PLD1: variants seen among roughly 807,000 people sequenced by gnomAD.
PLD1 encodes phospholipase D1, also known as choline phosphatase 1.
A neutral mutation model predicts 137.1 loss-of-function variants in PLD1; 112 were observed. The observed-to-expected ratio is 0.82, with a 90% CI of 0.70 to 0.96. The LOEUF (loss-of-function observed/expected upper bound fraction) is 0.96. Among genes scored for constraint, PLD1 ranks in the 40% least tolerant of loss-of-function variants. The pLI is 0.00. For missense variants in PLD1, 1,321 were observed against 1,342.0 expected, an observed-to-expected ratio of 0.98 and a Z score of 0.24; for synonymous variants, 431 against 454.7, an observed-to-expected ratio of 0.95 and a Z score of 0.66.
At chr3:171,670,307 CAG>C (rs1260849775) in intron 19 of PLD1, among the ~76,000 whole-genome samples, 1 of 152,194 alleles carries the variant, frequency 6.6e-6, no homozygotes, top group Non-Finnish European at 1.5e-5. Context: ...ATAGAAATAA[CAG>C]AAGACTTGAG....
intron 11 of PLD1, among the ~76,000 whole-genome samples, chr3:171,700,565 G>C (rs566821235): frequency 1.9e-4 from 29 of 152,216 alleles, no homozygotes; most frequent in Non-Finnish European, 3.5e-4. Context: ...CCCAACTTTA[G>C]ACTTAACATT....
chr3:171,751,958 G>C (rs547761815), intron 1 of PLD1, among the ~76,000 whole-genome samples: 1 of 151,092 alleles, frequency 6.6e-6, no homozygotes, highest in East Asian at 2.0e-4. Flanking sequence ...AGCCGAGATC[G>C]CGCCACTGTA....
At chr3:171,738,275 A>G (rs747827766) in intron 1 of PLD1, among the ~76,000 whole-genome samples, 193 bp from the exon 2 acceptor site, 3 of 152,104 alleles carry the variant, frequency 2.0e-5, no homozygotes, top group Admixed American at 6.6e-5. Context: ...CTTGTAAATT[A>G]AAACAGAGTG....
chr3:171,671,922 G>T (rs1191198833), intron 19 of PLD1, among the ~76,000 whole-genome samples: 1 of 151,620 alleles, frequency 6.6e-6, no homozygotes, highest in African/African-American at 2.4e-5. Context: ...AACATCCAAA[G>T]TTCACTAGCA....
chr3:171,646,921 C>T (rs1026785472), intron 21 of PLD1, among the ~76,000 whole-genome samples: 3 of 152,164 alleles, frequency 2.0e-5, no homozygotes, highest in Non-Finnish European at 2.9e-5. Flanking sequence ...GCTCATCAGC[C>T]TTCTGGGCCT....
intron 19 of PLD1, among the ~76,000 whole-genome samples, chr3:171,672,038 G>C (rs770644720): frequency 8.0e-6 from 1 of 125,124 alleles, no homozygotes; most frequent in African/African-American, 3.0e-5. Flanking sequence ...GCCTCTCTAA[G>C]AGCGAATGGG....
chr3:171,692,532 C>CTT, intron 12 of PLD1, 90 bp from the exon 13 acceptor site: 10 of 634,392 alleles, frequency 1.6e-5, no homozygotes, highest in Non-Finnish European at 2.2e-5. Context: ...TACTTTCTTT[C>CTT]TTTTTTTTTT....
intron 1 of PLD1, among the ~76,000 whole-genome samples, chr3:171,758,339 T>C (rs1428596502): frequency 6.6e-6 from 1 of 152,226 alleles, no homozygotes; most frequent in Non-Finnish European, 1.5e-5. Context: ...CACTGCCCCC[T>C]ATCTGAACTT....
intron 1 of PLD1, among the ~76,000 whole-genome samples, chr3:171,802,446 T>C (rs889842577): frequency 2.0e-5 from 3 of 152,104 alleles, no homozygotes; most frequent in Admixed American, 1.3e-4. Context: ...CATTTTGTCA[T>C]TGATCCAAAT....
chr3:171,639,848 C>CTCTATATATATATA lies in PLD1; in HGVS notation c.2593+2991_2593+2992insTATATATATATAGA, dbSNP rs3050415. 1.9e-3 allele frequency among the ~76,000 whole-genome samples: 213 copies of CTCTATATATATATA among 110,160 alleles called. 1 individual carries two copies. Among genetic ancestry groups the CTCTATATATATATA allele is most frequent in the African/African-American group, 8.2e-3 (208 of 25,456 alleles). The allele number at this position is 110,160 out of a possible 152,430, so 72.3% of individuals were successfully genotyped here. A position where few individuals can be genotyped will look rare whatever the true frequency, so the allele number is the denominator to read the frequency against. On this transcript the variant is annotated intron_variant, in intron 23 of 26. Transcript: ENST00000351298. The stretch of plus-strand genomic sequence containing the variant: ...TCTCTCTCTCTCTCTCTCTCTCTCT[C>CTCTATATATATATA]TATATATATATATATATCTCCTATT...
chr3:171,669,086 G>C (rs1712462806), intron 19 of PLD1, among the ~76,000 whole-genome samples: 1 of 152,142 alleles, frequency 6.6e-6, no homozygotes, highest in Admixed American at 6.5e-5. Context: ...GTCAGGTCTA[G>C]ATAACTTTTT....
intron 16 of PLD1, among the ~76,000 whole-genome samples, chr3:171,682,046 T>C (rs189749752): frequency 6.6e-6 from 1 of 151,480 alleles, no homozygotes; most frequent in East Asian, 1.9e-4. Context: ...CTTGTATACC[T>C]ATGTAACAAA....
In PLD1 at chr3:171,741,396, C is replaced by T. The variant is rs531586517; in HGVS notation, c.-31-3314G>A. Among the ~76,000 whole-genome samples the T allele has an allele frequency of 2.8e-4, 43 of 152,308 alleles. No homozygotes were observed. The South Asian group carries it at 7.9e-3, about 28-fold the overall frequency. ...GAATATCAAGCTGCAAAACTATCTA[C>T]GCTCCTATGTTGTCAAATCTTCATT... is the stretch of plus-strand genomic sequence containing the variant. On this transcript the variant is annotated intron_variant, in intron 1 of 26. Coordinates refer to ENST00000351298, the MANE Select transcript of PLD1 (RefSeq NM_002662.5).
intron 23 of PLD1, among the ~76,000 whole-genome samples, chr3:171,621,707 G>A (rs1733646940): frequency 6.6e-6 from 1 of 152,112 alleles, no homozygotes; most frequent in Non-Finnish European, 1.5e-5. Flanking sequence ...ATGTGTAAGA[G>A]ATGCATTTCT....
chr3:171,622,275 T>G (rs1733706699), intron 23 of PLD1, among the ~76,000 whole-genome samples: 1 of 152,206 alleles, frequency 6.6e-6, no homozygotes, highest in Non-Finnish European at 1.5e-5. Flanking sequence ...CTATGGAATT[T>G]GTTAAAAGCA....
At chr3:171,796,728 C>T (rs76543995) in intron 1 of PLD1, among the ~76,000 whole-genome samples, 3,342 of 152,272 alleles carry the variant, frequency 0.022, 126 homozygotes, top group African/African-American at 0.076. Context: ...ACAATTCAGA[C>T]TTTGAATCCT....
At chr3:171,792,371 A>T (rs954436405) in intron 1 of PLD1, 6 of 351,794 alleles carry the variant, frequency 1.7e-5, no homozygotes, top group African/African-American at 1.3e-4. Flanking sequence ...ACCTTATTTC[A>T]TATACTAAGA....
rs576307738 is a variant in PLD1, at chr3:171,673,533, A to G, written c.2229+967T>C. Among the ~76,000 whole-genome samples, 4 of 152,288 alleles carry G rather than the reference A, an allele frequency of 2.6e-5. No homozygotes were observed. In the East Asian group the frequency reaches 7.7e-4, roughly 29 times the overall value. On this transcript the variant is annotated intron_variant, in intron 19 of 26. Transcript: ENST00000351298. ...TGATCCACCCGCCTCGGCCTCCCAA[A>G]GTGCTAGGACTACAGGTGGGAGCCA... is the stretch of plus-strand genomic sequence containing the variant.
chr3:171,740,940 A>G (rs1182609007), intron 1 of PLD1, among the ~76,000 whole-genome samples: 1 of 152,198 alleles, frequency 6.6e-6, no homozygotes, highest in Non-Finnish European at 1.5e-5. Context: ...TCTGGCTCTA[A>G]AATCTTATGG....
Sources: gnomAD v4.1 joint callset for allele counts (sites outside exome capture counted in the v4.1 genomes callset) on GRCh38, gnomAD v4.1.1 for gene constraint, MANE v1.5 for transcripts, NCBI Gene and HGNC (gene_info 2026-07-23, HGNC 2026-07-21) for gene names.